DBT: variants seen among roughly 807,000 people sequenced by gnomAD.
The protein encoded by DBT is lipoamide acyltransferase component of branched-chain alpha-keto acid dehydrogenase complex, mitochondrial.
DBT carries 40 observed loss-of-function variants against 51.3 expected under a neutral mutation model. The observed-to-expected ratio is 0.78, with a 90% confidence interval of 0.61 to 1.02. The LOEUF (loss-of-function observed/expected upper bound fraction) is 1.02, where lower values mean the gene tolerates loss of function less well. Among genes scored for constraint, DBT ranks in the 50% least tolerant of loss-of-function variants. DBT has a pLI of 0.00. For missense variants in DBT, 510 were observed against 580.2 expected (o/e 0.88, Z 1.24); for synonymous variants, 181 against 190.4 (o/e 0.95, Z 0.41).
intron 2 of DBT, among the ~76,000 whole-genome samples, chr1:100,237,519 T>G (rs1264882298): frequency 1.3e-5 from 2 of 152,110 alleles, no homozygotes; most frequent in Non-Finnish European, 2.9e-5. Flanking sequence ...TCTACAAGTT[T>G]AGAAAAAATT....
rs1660726596 is a variant in DBT, at chr1:100,189,747, T to C, written c.*6508A>G. On this transcript the variant is annotated 3_prime_UTR_variant, in exon 11 of 11. Coordinates refer to ENST00000370132, the MANE Select transcript of DBT (RefSeq NM_001918.5). Reference sequence around the variant, plus strand: ...AAGAAAAGCATTCTGAGTCTTCTTTTAGGCAAACTGAAATTTGCCATTAGA... The same window carrying C: ...AAGAAAAGCATTCTGAGTCTTCTTTCAGGCAAACTGAAATTTGCCATTAGA... The C allele has an allele frequency of 6.6e-6, 1 of 152,236 alleles. No homozygotes were observed. The allele number at this position is 152,236 out of a possible 1,614,324, so 9.4% of individuals were successfully genotyped here. A position where few individuals can be genotyped will look rare whatever the true frequency, so the allele number is the denominator to read the frequency against.
intron 7 of DBT, chr1:100,213,707 C>A (rs1309168879): frequency 6.3e-7 from 1 of 1,589,890 alleles, no homozygotes; most frequent in Non-Finnish European, 8.5e-7. Flanking sequence ...ACACCCAGCT[C>A]TCTTTTTCTA....
chr1:100,227,101 T>C lies in DBT; in HGVS notation c.433+3632A>G, dbSNP rs975897000. Among the ~76,000 whole-genome samples the C allele has an allele frequency of 2.0e-5, 3 of 152,334 alleles. No individual in the cohort carries two copies. The East Asian group carries it at 5.8e-4, about 29-fold the overall frequency. ...TGGAGCATGTTATTGTCCTGAATATTGTAGGTGACTGTAACACAATGGTAA... is the reference window on the plus strand; with the variant it reads ...TGGAGCATGTTATTGTCCTGAATATCGTAGGTGACTGTAACACAATGGTAA... On this transcript the variant is annotated intron_variant, in intron 4 of 10. Coordinates refer to ENST00000370132, the MANE Select transcript of DBT (RefSeq NM_001918.5).
At chr1:100,207,066 G>A (rs1246225583) in intron 8 of DBT, among the ~76,000 whole-genome samples, 1 of 152,106 alleles carries the variant, frequency 6.6e-6, no homozygotes, top group Non-Finnish European at 1.5e-5. Context: ...GAGACAGAGT[G>A]AGACTCTGTC....
At chr1:100,241,885 G>A (rs1664240854) in intron 1 of DBT, among the ~76,000 whole-genome samples, 1 of 152,108 alleles carries the variant, frequency 6.6e-6, no homozygotes, top group Non-Finnish European at 1.5e-5. Flanking sequence ...GCTGGGCTTG[G>A]TGGCATGCGC....
At position 100,195,031 on chromosome 1, in the gene DBT, C is replaced by A. The variant is rs764457050; in HGVS notation, c.*1224G>T. The A allele has an allele frequency of 6.6e-6, 1 of 152,170 alleles. No individual in the cohort carries two copies. Among genetic ancestry groups the A allele is most frequent in the Admixed American group, 6.5e-5 (1 of 15,278 alleles). 9.4% of individuals were successfully genotyped at this position (152,170 alleles called of 1,614,324 possible). Reference sequence around the variant, plus strand: ...TCATTATGAAACCTTCATTTCTATACAAAATTTCTTATTTTTTATATCCAT... The same window carrying A: ...TCATTATGAAACCTTCATTTCTATAAAAAATTTCTTATTTTTTATATCCAT... On this transcript the variant is annotated 3_prime_UTR_variant, in exon 11 of 11. Coordinates refer to ENST00000370132, the MANE Select transcript of DBT (RefSeq NM_001918.5).
intron 5 of DBT, 55 bp downstream of exon 5, chr1:100,218,571 G>A (rs1662632097): frequency 2.5e-6 from 4 of 1,600,214 alleles, no homozygotes; most frequent in Non-Finnish European, 3.4e-6. Flanking sequence ...ATTTTTCAGA[G>A]ATACAAATGT....
intron 1 of DBT, 126 bp from the exon 2 acceptor site, chr1:100,241,010 C>T (rs1354270412): frequency 2.0e-6 from 2 of 987,022 alleles, no homozygotes; most frequent in Non-Finnish European, 1.5e-6. Flanking sequence ...ATATTATATC[C>T]TTAGATTTAG....
At chr1:100,204,022 T>C (rs557699189) in intron 10 of DBT, among the ~76,000 whole-genome samples, 1 of 152,274 alleles carries the variant, frequency 6.6e-6, no homozygotes, top group East Asian at 1.9e-4. Context: ...GCTGGAAGCA[T>C]TCCCTCTGAA....
chr1:100,242,185 T>G (rs971275521), intron 1 of DBT, among the ~76,000 whole-genome samples: 16 of 152,150 alleles, frequency 1.1e-4, no homozygotes, highest in African/African-American at 3.9e-4. Context: ...CTTTTTCATG[T>G]ATGTAACAGA....
rs1001357197 is a variant in DBT at position 100,195,109 on chromosome 1, T to G, written c.*1146A>C. On this transcript the variant is annotated 3_prime_UTR_variant, in exon 11 of 11. Transcript: ENST00000370132. The stretch of plus-strand genomic sequence containing the variant: ...CTTATTTACATTCTTACCCAGGATA[T>G]GGAGAATGGAATAGACCTTAATTTC... 5.9e-5 allele frequency: 9 copies of G among 152,614 alleles called. No individual in the cohort carries two copies. Among genetic ancestry groups the G allele is most frequent in the African/African-American group, 2.2e-4 (9 of 41,446 alleles). 9.5% of individuals were successfully genotyped at this position (152,614 alleles called of 1,614,324 possible).
At chr1:100,240,552 G>C (rs1024892211) in intron 2 of DBT, among the ~76,000 whole-genome samples, 1 of 152,016 alleles carries the variant, frequency 6.6e-6, no homozygotes, top group Non-Finnish European at 1.5e-5. Context: ...TTTTAAAAAG[G>C]GGTGCCAGTG....
At chr1:100,211,871 G>A (rs764016963) in intron 7 of DBT, among the ~76,000 whole-genome samples, 1 of 152,064 alleles carries the variant, frequency 6.6e-6, no homozygotes, top group African/African-American at 2.4e-5. Flanking sequence ...TCCTTGGCTC[G>A]AGTGACCCTC....
At chr1:100,214,211 C>A (rs961225623) in intron 7 of DBT, among the ~76,000 whole-genome samples, 1 of 152,166 alleles carries the variant, frequency 6.6e-6, no homozygotes, top group Non-Finnish European at 1.5e-5. Context: ...TATCAAGTCT[C>A]ATTTTAGTTC....
chr1:100,213,904 T>G (rs549662597), intron 7 of DBT, among the ~76,000 whole-genome samples: 3 of 150,926 alleles, frequency 2.0e-5, no homozygotes, highest in African/African-American at 7.3e-5. Flanking sequence ...AGTCTTCAAT[T>G]TGAGAAAGGT....
rs1660851336 is a variant in DBT, at chr1:100,192,325, A to G, written c.*3930T>C. ...TGCTGTGAGGGCAAAAACTTCATCT[A>G]TCTAATTCACCTTTATCCATAATCT... On this transcript the variant is annotated 3_prime_UTR_variant, in exon 11 of 11. Transcript: ENST00000370132. The G allele has an allele frequency of 6.6e-6, 1 of 152,252 alleles. No homozygotes were observed. Among genetic ancestry groups the G allele is most frequent in the African/African-American group, 2.4e-5 (1 of 41,462 alleles). The allele number at this position is 152,252 out of a possible 1,614,324, so 9.4% of individuals were successfully genotyped here.
intron 4 of DBT, among the ~76,000 whole-genome samples, chr1:100,225,042 A>AAAAAATAT (rs59482100): frequency 1.1e-4 from 5 of 45,656 alleles, no homozygotes; most frequent in African/African-American, 3.4e-4. Flanking sequence ...AAAAAAAAAA[A>AAAAAATAT]ATATATATAT....
intron 4 of DBT, among the ~76,000 whole-genome samples, chr1:100,225,589 C>T (rs1380967048): frequency 6.6e-6 from 1 of 151,926 alleles, no homozygotes; most frequent in African/African-American, 2.4e-5. Context: ...CTTTGGGAGG[C>T]GGAGGCAGGC....
intron 1 of DBT, among the ~76,000 whole-genome samples, chr1:100,245,426 AT>A (rs776137986): frequency 6.6e-6 from 1 of 152,144 alleles, no homozygotes; most frequent in Non-Finnish European, 1.5e-5. Context: ...AGTTTTATAT[AT>A]TTTATATTTG....
Sources: gnomAD v4.1 joint callset for allele counts (sites outside exome capture counted in the v4.1 genomes callset) on GRCh38, gnomAD v4.1.1 for gene constraint, MANE v1.5 for transcripts, NCBI Gene and HGNC (gene_info 2026-07-23, HGNC 2026-07-21) for gene names.